The following PCDHGA9 variants were observed in gnomAD, a reference collection of about 807,000 sequenced individuals.
PCDHGA9 encodes the protein protocadherin gamma-A9.
A neutral mutation model predicts 62.5 loss-of-function variants in PCDHGA9; 37 were observed. The ratio of observed to expected loss-of-function variants is 0.59; its 90% CI spans 0.46 to 0.78. The LOEUF (loss-of-function observed/expected upper bound fraction) is 0.78. Among genes scored for constraint, PCDHGA9 ranks in the 30% least tolerant of loss-of-function variants. The pLI is 0.00. For missense variants in PCDHGA9, 1,138 were observed against 1,166.2 expected (o/e 0.98, Z 0.35); for synonymous variants, 459 against 484.6 (o/e 0.95, Z 0.69).
At position 141,422,501 on chromosome 5, in the gene PCDHGA9, C is replaced by T. The variant is rs1343881573; in HGVS notation, c.2424+17125C>T. On this transcript the variant is annotated intron_variant, in intron 1 of 3. Coordinates refer to ENST00000573521, the MANE Select transcript of PCDHGA9 (RefSeq NM_018921.3). ...CAGAGCTACAATATAACGTTGACAGCCACAGACCAGGGAAGCCCGCCTTTG... is the reference window on the plus strand; with the variant it reads ...CAGAGCTACAATATAACGTTGACAGTCACAGACCAGGGAAGCCCGCCTTTG... 9.3e-6 allele frequency: 15 copies of T among 1,613,810 alleles called. No individual in the cohort carries two copies. The highest frequency in any genetic ancestry group is 1.3e-5 in the Non-Finnish European group (15 of 1,179,872).
intron 1 of PCDHGA9, among the ~76,000 whole-genome samples, chr5:141,455,803 A>C (rs1197986124): frequency 2.6e-5 from 4 of 152,068 alleles, no homozygotes; most frequent in Non-Finnish European, 4.4e-5. Flanking sequence ...TGCTTTAAAA[A>C]ATGAAAACTT....
chr5:141,474,170 T>G (rs535586079), intron 1 of PCDHGA9, among the ~76,000 whole-genome samples: 1 of 152,346 alleles, frequency 6.6e-6, no homozygotes, highest in South Asian at 2.1e-4. Flanking sequence ...GCCTTATTAT[T>G]GAGAAAACTA....
In PCDHGA9 at chr5:141,480,546, G is replaced by A. The variant is rs184388425; in HGVS notation, c.2425-14261G>A. Reference sequence around the variant, plus strand: ...GACAAAGTAGAAGCACATATGAAAAGGCTAAGAAAGCATGAAAGCCAGCAA... The same window carrying A: ...GACAAAGTAGAAGCACATATGAAAAAGCTAAGAAAGCATGAAAGCCAGCAA... On this transcript the variant is annotated intron_variant, in intron 1 of 3. Coordinates refer to ENST00000573521, the MANE Select transcript of PCDHGA9 (RefSeq NM_018921.3). 4.9e-4 allele frequency among the ~76,000 whole-genome samples: 63 copies of A among 128,620 alleles called. 1 individual carries two copies. Among genetic ancestry groups the A allele is most frequent in the Middle Eastern group, 4.2e-3 (1 of 236 alleles). The allele number at this position is 128,620 out of a possible 152,430, so 84.4% of individuals were successfully genotyped here. A position where few individuals can be genotyped will look rare whatever the true frequency, so the allele number is the denominator to read the frequency against.
At chr5:141,405,603 T>A in intron 1 of PCDHGA9, 1 of 571,444 alleles carries the variant, frequency 1.7e-6, no homozygotes, top group Non-Finnish European at 3.1e-6. Flanking sequence ...CCAAGTAGAA[T>A]AACTGGGACT....
rs761347005 is a variant in PCDHGA9, at chr5:141,417,873, G to A, written c.2424+12497G>A. On this transcript the variant is annotated intron_variant, in intron 1 of 3. Coordinates refer to ENST00000573521, the MANE Select transcript of PCDHGA9 (RefSeq NM_018921.3). The stretch of plus-strand genomic sequence containing the variant: ...CCCGAGCGAACGATGGGAGGGAGCT[G>A]CGCGCAGAGGCGCCGGGCCGGCCCG... 4.2e-5 allele frequency: 65 copies of A among 1,555,230 alleles called. 2 individuals are homozygous for A. The Middle Eastern group carries it at 6.4e-3, about 152-fold the overall frequency.
At chr5:141,452,881 T>A (rs1273440996) in intron 1 of PCDHGA9, among the ~76,000 whole-genome samples, 1 of 152,166 alleles carries the variant, frequency 6.6e-6, no homozygotes, top group African/African-American at 2.4e-5. Context: ...TTTGTAATAA[T>A]TTATTCCACT....
At position 141,476,760 on chromosome 5, in the gene PCDHGA9, C is replaced by A; in HGVS notation, c.2425-18047C>A. The A allele has an allele frequency of 6.2e-7, 1 of 1,613,824 alleles. No homozygotes were observed. Among genetic ancestry groups the A allele is most frequent in the Non-Finnish European group, 8.5e-7 (1 of 1,180,010 alleles). On this transcript the variant is annotated intron_variant, in intron 1 of 3. Coordinates refer to ENST00000573521, the MANE Select transcript of PCDHGA9 (RefSeq NM_018921.3). This position sits in a 1 kb window ranked among gnomAD's most constrained non-coding sequence, Gnocchi z 7.6. ...GAGCCTAGTCTCCAGTTAGTGCTGA[C>A]GGCGTTGGACGGAGGGACCCCAGCT...
Position 141,490,563 on chromosome 5 carries a change from G to C in PCDHGA9, c.2425-4244G>C. On this transcript the variant is annotated intron_variant, in intron 1 of 3. Coordinates refer to ENST00000573521, the MANE Select transcript of PCDHGA9 (RefSeq NM_018921.3). This position sits in a 1 kb window ranked among gnomAD's most constrained non-coding sequence, Gnocchi z 5.4. ...CCCTACACAAACATCTCACCATCAG[G>C]CTCAACATTTCAGATGTCAATGACA... 1 of 1,614,022 alleles carries C rather than the reference G, an allele frequency of 6.2e-7. No individual in the cohort carries two copies. Among genetic ancestry groups the C allele is most frequent in the Non-Finnish European group, 8.5e-7 (1 of 1,180,008 alleles).
At position 141,432,299 on chromosome 5, in the gene PCDHGA9, C is replaced by G; in HGVS notation, c.2424+26923C>G. ...GTCCATCAACTCCGACACTGGGGTA[C>G]TGTATGCGCTGAGCTCCTTCGACTA... is the stretch of plus-strand genomic sequence containing the variant. On this transcript the variant is annotated intron_variant, in intron 1 of 3. Transcript: ENST00000573521. This position sits in a 1 kb window ranked among gnomAD's most constrained non-coding sequence, Gnocchi z 6.0. The G allele has an allele frequency of 2.5e-6, 4 of 1,614,278 alleles. No homozygotes were observed. The highest frequency in any genetic ancestry group is 3.4e-6 in the Non-Finnish European group (4 of 1,180,056).
chr5:141,419,662 T>C (rs767190243), intron 1 of PCDHGA9: 140 of 1,612,700 alleles, frequency 8.7e-5, no homozygotes, highest in South Asian at 2.2e-5. Flanking sequence ...CGGGGCACAA[T>C]GCCTGGCTGT....
In PCDHGA9 at chr5:141,405,010, CT is replaced by C. The variant is rs2094596164; in HGVS notation, c.2059del (p.Ser687GlnfsTer30). ...SLQIPADLEA[S>X]DLTLYLVVAV... The stretch of plus-strand genomic sequence containing the variant: ...TTCAGATCCCTGCAGACCTGGAGGC[CT>C]CAGACCTTACCCTCTACCTCGTTGT... On this transcript the variant is annotated frameshift_variant, in exon 1 of 4. Transcript: ENST00000573521. LOFTEE classifies it high-confidence loss of function. 3 of 1,614,014 alleles carry C rather than the reference CT, an allele frequency of 1.9e-6. No individual in the cohort carries two copies. Among genetic ancestry groups the C allele is most frequent in the Non-Finnish European group, 2.5e-6 (3 of 1,179,882 alleles).
chr5:141,501,701 G>A (rs747266621), intron 2 of PCDHGA9, among the ~76,000 whole-genome samples: 3 of 151,984 alleles, frequency 2.0e-5, no homozygotes, highest in East Asian at 1.9e-4. Flanking sequence ...GGGTGATTCC[G>A]AGGATAAAAA....
At chr5:141,421,474 G>T (rs1320526226) in intron 1 of PCDHGA9, 3 of 1,614,014 alleles carry the variant, frequency 1.9e-6, no homozygotes, top group African/African-American at 2.7e-5. Flanking sequence ...TCCGCGAAGC[G>T]GCAGCTTGAT....
chr5:141,512,241 G>A lies in PCDHGA9; in HGVS notation c.*1068G>A, dbSNP rs533051658. On this transcript the variant is annotated 3_prime_UTR_variant, in exon 4 of 4. Coordinates refer to ENST00000573521, the MANE Select transcript of PCDHGA9 (RefSeq NM_018921.3). ...CCAGGTCCCCTTGAGAGGTCAGAGGGGCCTCTGTGGGTGCTGGGTACTCCA... is the reference window on the plus strand; with the variant it reads ...CCAGGTCCCCTTGAGAGGTCAGAGGAGCCTCTGTGGGTGCTGGGTACTCCA... 1 of 152,866 alleles carries A rather than the reference G, an allele frequency of 6.5e-6. No individual in the cohort carries two copies. The highest frequency in any genetic ancestry group is 2.1e-4 in the South Asian group (1 of 4,824). 9.5% of individuals were successfully genotyped at this position (152,866 alleles called of 1,614,324 possible).
chr5:141,416,120 A>C (rs2095996372), intron 1 of PCDHGA9: 1 of 155,288 alleles, frequency 6.4e-6, no homozygotes, highest in African/African-American at 2.4e-5. Context: ...ACTACATTTT[A>C]TATATTTTTC....
chr5:141,423,516 C>T (rs2096749721), intron 1 of PCDHGA9: 1 of 1,613,732 alleles, frequency 6.2e-7, no homozygotes, highest in Non-Finnish European at 8.5e-7. Flanking sequence ...TCATTGCGGA[C>T]TCGCAGAAGA....
rs759576434 is a variant in PCDHGA9 at position 141,432,109 on chromosome 5, G to C, written c.2424+26733G>C. Reference sequence around the variant, plus strand: ...TGGCAGACACCAACGACAACCCGCCGGTCTTCCCTCAGGCCTCCTATTCCG... The same window carrying C: ...TGGCAGACACCAACGACAACCCGCCCGTCTTCCCTCAGGCCTCCTATTCCG... On this transcript the variant is annotated intron_variant, in intron 1 of 3. Transcript: ENST00000573521. The surrounding 1 kb of genome is among the most constrained non-coding windows in gnomAD (Gnocchi z 6.0). 9 of 1,613,972 alleles carry C rather than the reference G, an allele frequency of 5.6e-6. No homozygotes were observed. In the African/African-American group the frequency reaches 9.3e-5, roughly 17 times the overall value.
chr5:141,427,105 A>C (rs1413188668), intron 1 of PCDHGA9: 1 of 457,776 alleles, frequency 2.2e-6, no homozygotes, highest in Non-Finnish European at 4.4e-6. Flanking sequence ...GTCAATGCGG[A>C]GATCACCTAC....
At chr5:141,463,075 A>G (rs943294678) in intron 1 of PCDHGA9, among the ~76,000 whole-genome samples, 3 of 152,180 alleles carry the variant, frequency 2.0e-5, no homozygotes, top group East Asian at 1.9e-4. Context: ...ATGAAATTCA[A>G]ACATTTTCCA....
Sources: gnomAD v4.1 joint callset for allele counts (sites outside exome capture counted in the v4.1 genomes callset) on GRCh38, gnomAD v4.1.1 for gene constraint, Gnocchi (gnomAD v3.1) non-coding constraint, MANE v1.5 for transcripts, NCBI Gene and HGNC (gene_info 2026-07-23, HGNC 2026-07-21) for gene names.